DNAH14: variants seen among roughly 807,000 people sequenced by gnomAD.
DNAH14 encodes the protein dynein axonemal heavy chain 14, also known as axonemal beta dynein heavy chain 14.
In DNAH14, 478 loss-of-function variants were observed where a neutral mutation model predicts 520.9. That is an observed-to-expected ratio of 0.92 (90% CI 0.85 to 0.99). The LOEUF is 0.99. Among genes scored for constraint, DNAH14 ranks in the 50% least tolerant of loss-of-function variants. The pLI, the probability that DNAH14 is intolerant of heterozygous loss-of-function variation, is 0.00. For missense variants in DNAH14, 4,831 were observed against 5,234.5 expected (o/e 0.92, Z 2.38); for synonymous variants, 1,581 against 1,757.2 (o/e 0.90, Z 2.51).
chr1:224,950,671 T>C (rs562832518), intron 1 of DNAH14, among the ~76,000 whole-genome samples: 5 of 152,364 alleles, frequency 3.3e-5, no homozygotes, highest in African/African-American at 1.2e-4. Flanking sequence ...ATATACTCTC[T>C]TGAAGGAGCT....
chr1:225,206,340 T>C (rs532591275), intron 40 of DNAH14, among the ~76,000 whole-genome samples, 161 bp downstream of exon 40: 94 of 152,332 alleles, frequency 6.2e-4, no homozygotes, highest in Non-Finnish European at 8.8e-4. Flanking sequence ...AGCCTCATAA[T>C]CCACAATTGA....
chr1:225,180,501 A>G (rs1366691475), intron 36 of DNAH14, among the ~76,000 whole-genome samples: 1 of 152,224 alleles, frequency 6.6e-6, no homozygotes, highest in Non-Finnish European at 1.5e-5. Context: ...GGGAGCTGCC[A>G]TGTGTAGATG....
intron 10 of DNAH14, among the ~76,000 whole-genome samples, chr1:225,011,882 G>A (rs556301369): frequency 3.3e-5 from 5 of 149,732 alleles, no homozygotes; most frequent in South Asian, 2.1e-4. Context: ...ACAGCACACC[G>A]ATGGATCTTG....
chr1:225,066,403 A>AT (rs1283308182), intron 17 of DNAH14, among the ~76,000 whole-genome samples: 1 of 151,974 alleles, frequency 6.6e-6, no homozygotes, highest in Non-Finnish European at 1.5e-5. Context: ...CCAAGAAATC[A>AT]TTTTTTAGGC....
At chr1:225,067,253 C>A (rs2071000106) in intron 17 of DNAH14, among the ~76,000 whole-genome samples, 1 of 151,928 alleles carries the variant, frequency 6.6e-6, no homozygotes. Flanking sequence ...TTGCTAAGGA[C>A]AATGGCCTCC....
intron 11 of DNAH14, among the ~76,000 whole-genome samples, chr1:225,025,976 T>C (rs2066084335): frequency 6.6e-6 from 1 of 152,050 alleles, no homozygotes; most frequent in African/African-American, 2.4e-5. Context: ...TCAAACTCTT[T>C]GTTCATTTTT....
In DNAH14 at chr1:225,301,020, T is replaced by A; in HGVS notation, c.8621T>A (p.Phe2874Tyr). The change falls in exon 56 of 86, where the codon TTC (phenylalanine) becomes TAC (tyrosine). Residue 2874 changes from phenylalanine to tyrosine, a missense_variant. Transcript: ENST00000682510. The stretch of plus-strand genomic sequence containing the variant: ...GATAATAGGCAATCTTTACTTTCAT[T>A]CTTTCAAAAGGTACTTTTTTGTGAC... ...HMDNRQSLLSFFQKRIYKNLH... is the reference protein window; with the variant it reads ...HMDNRQSLLSYFQKRIYKNLH... 1.3e-6 allele frequency: 2 copies of A among 1,548,400 alleles called. No homozygotes were observed. The highest frequency in any genetic ancestry group is 1.7e-6 in the Non-Finnish European group (2 of 1,146,052).
chr1:224,964,380 A>G (rs1393412681), intron 4 of DNAH14, 99 bp from the exon 5 acceptor site: 1 of 1,287,512 alleles, frequency 7.8e-7, no homozygotes. Context: ...TTACCATTTA[A>G]ATTTTTCTCT....
chr1:225,025,145 C>T (rs1339288016), intron 11 of DNAH14, among the ~76,000 whole-genome samples: 1 of 151,788 alleles, frequency 6.6e-6, no homozygotes, highest in Admixed American at 6.6e-5. Context: ...TAAGATCAGC[C>T]TAGGCAACAT....
intron 38 of DNAH14, among the ~76,000 whole-genome samples, chr1:225,202,747 G>C (rs979996822): frequency 6.6e-6 from 1 of 152,204 alleles, no homozygotes; most frequent in African/African-American, 2.4e-5. Context: ...AGTTGAGCTA[G>C]AGGTTTTCTT....
At chr1:225,067,574 C>T (rs1572838292) in intron 17 of DNAH14, among the ~76,000 whole-genome samples, 1 of 152,214 alleles carries the variant, frequency 6.6e-6, no homozygotes, top group African/African-American at 2.4e-5. Context: ...CTAATTTACA[C>T]TCTCATCAAC....
At position 225,338,039 on chromosome 1, in the gene DNAH14, TTTTGTCTATTGGG is replaced by T; in HGVS notation, c.10312-18_10312-6del. The stretch of plus-strand genomic sequence containing the variant: ...TTTGTTTTAAGATGATTTTTCTTAT[TTTTGTCTATTGGG>T]TTTTTCAGAATCTCCTTGAGACATT... On this transcript the variant is annotated splice_polypyrimidine_tract_variant and intron_variant, in intron 67 of 85. Transcript: ENST00000682510. 1 of 1,499,698 alleles carries T rather than the reference TTTTGTCTATTGGG, an allele frequency of 6.7e-7. No individual in the cohort carries two copies. The highest frequency in any genetic ancestry group is 8.9e-7 in the Non-Finnish European group (1 of 1,128,476). 92.9% of individuals were successfully genotyped at this position (1,499,698 alleles called of 1,614,324 possible).
chr1:225,141,392 T>G (rs1240728857), intron 28 of DNAH14, among the ~76,000 whole-genome samples: 3 of 151,222 alleles, frequency 2.0e-5, no homozygotes, highest in Non-Finnish European at 2.9e-5. Context: ...TTATTATAGT[T>G]ATTTATGTAT....
chr1:225,189,982 C>G (rs1397998609), intron 37 of DNAH14, among the ~76,000 whole-genome samples: 2 of 151,688 alleles, frequency 1.3e-5, no homozygotes, highest in Non-Finnish European at 2.9e-5. Flanking sequence ...CAGTTAACAA[C>G]TGTTAGGGTC....
chr1:225,378,615 G>GCT (rs1295820667), intron 79 of DNAH14, among the ~76,000 whole-genome samples: 1 of 152,144 alleles, frequency 6.6e-6, no homozygotes, highest in Non-Finnish European at 1.5e-5. Context: ...GGCGCGGTGG[G>GCT]CTCACGCCTG....
chr1:225,329,049 G>T (rs79443795), intron 64 of DNAH14, among the ~76,000 whole-genome samples: 1 of 152,094 alleles, frequency 6.6e-6, no homozygotes, highest in Non-Finnish European at 1.5e-5. Flanking sequence ...TTATAATTGT[G>T]TTGTACATAC....
At position 225,386,364 on chromosome 1, in the gene DNAH14, G is replaced by A. The variant is rs372890130; in HGVS notation, c.13078-2015G>A. Among the ~76,000 whole-genome samples, 18 of 152,260 alleles carry A rather than the reference G, an allele frequency of 1.2e-4. No individual in the cohort carries two copies. In the East Asian group the frequency reaches 3.3e-3, roughly 28 times the overall value. ...AACACCAAAAGCAATGGCAACAAAAGCCAAAATTGACAAATGGGATCTAAT... is the reference window on the plus strand; with the variant it reads ...AACACCAAAAGCAATGGCAACAAAAACCAAAATTGACAAATGGGATCTAAT... On this transcript the variant is annotated intron_variant, in intron 81 of 85. Transcript: ENST00000682510.
intron 19 of DNAH14, among the ~76,000 whole-genome samples, chr1:225,082,171 GGTGT>G (rs56658194): frequency 5.5e-5 from 8 of 145,320 alleles, no homozygotes; most frequent in South Asian, 2.3e-4. Flanking sequence ...GAATGTTTGT[GGTGT>G]GTGTGTGTGT....
At chr1:225,331,074 C>T (rs1574820943) in intron 64 of DNAH14, among the ~76,000 whole-genome samples, 1 of 152,178 alleles carries the variant, frequency 6.6e-6, no homozygotes, top group Middle Eastern at 3.4e-3. Context: ...GTCCTCTGGT[C>T]TGTTCAGTAC....
Sources: gnomAD v4.1 joint callset for allele counts (sites outside exome capture counted in the v4.1 genomes callset) on GRCh38, gnomAD v4.1.1 for gene constraint, MANE v1.5 for transcripts, NCBI Gene and HGNC (gene_info 2026-07-23, HGNC 2026-07-21) for gene names.